The following TNFSF8 variants were observed in gnomAD, a reference collection of about 807,000 sequenced individuals.
TNFSF8 encodes TNF superfamily member 8.
Under a neutral mutation model 22.0 loss-of-function variants are expected in TNFSF8, and 4 were observed. The ratio of observed to expected loss-of-function variants is 0.18; its 90% CI spans 0.09 to 0.42. The LOEUF is 0.42. TNFSF8 is among the 10% of genes least tolerant of loss of function. TNFSF8 has a pLI of 1.00. For synonymous variants in TNFSF8, 106 were observed against 112.5 expected (o/e 0.94, Z 0.37); for missense variants, 233 against 281.8 (o/e 0.83, Z 1.24).
At chr9:114,918,444 G>C (rs1446957906) in intron 1 of TNFSF8, among the ~76,000 whole-genome samples, 1 of 144,850 alleles carries the variant, frequency 6.9e-6, no homozygotes, top group East Asian at 2.0e-4. Context: ...TCAGGGACCA[G>C]AGCTGGGACT....
exon 5 of TNFSF8, chr9:114,893,925 C>G (rs1248166357): frequency 1.5e-6 from 1 of 650,084 alleles, no homozygotes; most frequent in Non-Finnish European, 2.7e-6. Context: ...ATGGACAGGT[C>G]TAGATGATTC....
chr9:114,896,372 T>C (rs1354465222), downstream of TNFSF8, among the ~76,000 whole-genome samples: 1 of 152,184 alleles, frequency 6.6e-6, no homozygotes, highest in Non-Finnish European at 1.5e-5. Context: ...GATGCCTGGG[T>C]TCTAAATCCA....
chr9:114,903,984 T>G lies in TNFSF8; in HGVS notation c.652A>C (p.Thr218Pro). The G allele has an allele frequency of 1.2e-6, 2 of 1,613,964 alleles. No individual in the cohort carries two copies. Among genetic ancestry groups the G allele is most frequent in the Non-Finnish European group, 1.7e-6 (2 of 1,179,928 alleles). Reference protein sequence around the residue: ...VDTFQYIDTSTFPLENVLSIF... With the variant: ...VDTFQYIDTSPFPLENVLSIF... ...GACAACACATTCTCAAGAGGAAAGG[T>G]GCTTGTATCTATGTACTGGAATGTA... Residue 218 changes from threonine (T) to proline (P), a missense_variant, in exon 4 of 4, where the codon ACC becomes CCC. Physicochemically the swap from Thr to Pro is conservative, Grantham distance 38 (BLOSUM62 -1). Transcript: ENST00000223795.
At chr9:114,923,363 ACCCT>A (rs1337566650) in intron 1 of TNFSF8, among the ~76,000 whole-genome samples, 1 of 151,980 alleles carries the variant, frequency 6.6e-6, no homozygotes, top group Non-Finnish European at 1.5e-5. Context: ...CTCTTTTTCA[ACCCT>A]CAGTGCATTA....
chr9:114,920,561 T>C (rs908446615), intron 1 of TNFSF8, among the ~76,000 whole-genome samples: 1 of 152,246 alleles, frequency 6.6e-6, no homozygotes. Flanking sequence ...AAAAGAATCA[T>C]AGTGCTTTAA....
intron 1 of TNFSF8, among the ~76,000 whole-genome samples, chr9:114,925,361 A>G (rs182311815): frequency 6.6e-6 from 1 of 152,260 alleles, no homozygotes; most frequent in African/African-American, 2.4e-5. Context: ...CCAAAAACTC[A>G]GGCCTCAATC....
chr9:114,911,920 T>A (rs1253959900), intron 2 of TNFSF8, among the ~76,000 whole-genome samples: 2 of 152,088 alleles, frequency 1.3e-5, no homozygotes, highest in Non-Finnish European at 2.9e-5. Flanking sequence ...GTCTATAATT[T>A]AAAAGGAAAG....
At chr9:114,908,575 G>C (rs776321851) in intron 2 of TNFSF8, among the ~76,000 whole-genome samples, 2 of 151,970 alleles carry the variant, frequency 1.3e-5, no homozygotes, top group South Asian at 2.1e-4. Flanking sequence ...CCTCTCACAC[G>C]TTCTGGTTCT....
At chr9:114,923,127 T>C (rs1828009743) in intron 1 of TNFSF8, among the ~76,000 whole-genome samples, 1 of 152,114 alleles carries the variant, frequency 6.6e-6, no homozygotes, top group Admixed American at 6.6e-5. Context: ...TATCATCTAG[T>C]TCCGTTTCTT....
chr9:114,928,590 A>C (rs1334046330), intron 1 of TNFSF8, among the ~76,000 whole-genome samples: 1 of 152,170 alleles, frequency 6.6e-6, no homozygotes, highest in Non-Finnish European at 1.5e-5. Context: ...AGGACACTTC[A>C]ATTTCTTTTC....
At chr9:114,921,082 G>A (rs1194577162) in intron 1 of TNFSF8, among the ~76,000 whole-genome samples, 2 of 152,176 alleles carry the variant, frequency 1.3e-5, no homozygotes, top group African/African-American at 2.4e-5. Flanking sequence ...TAATTTATAT[G>A]GGGGTCAAGG....
chr9:114,921,330 G>A (rs1564371788), intron 1 of TNFSF8, among the ~76,000 whole-genome samples: 1 of 152,178 alleles, frequency 6.6e-6, no homozygotes, highest in Non-Finnish European at 1.5e-5. Flanking sequence ...CAAAGCCAGA[G>A]GGAGATTGAG....
In TNFSF8 at chr9:114,912,530, C is replaced by T. The variant is rs1827864184; in HGVS notation, c.238+5566G>A. ...TCAGCCTCTTGAGTAGCTGGGACTA[C>T]AGGCGTGTGCCACCATGCCCAGCTA... On this transcript the variant is annotated intron_variant, in intron 2 of 3. Transcript: ENST00000223795. Among the ~76,000 whole-genome samples, 7 of 152,168 alleles carry T rather than the reference C, an allele frequency of 4.6e-5. No individual in the cohort carries two copies. In the South Asian group the frequency reaches 1.4e-3, roughly 32 times the overall value.
chr9:114,898,223 C>G (rs190863311), downstream of TNFSF8, among the ~76,000 whole-genome samples: 2 of 152,118 alleles, frequency 1.3e-5, no homozygotes, highest in African/African-American at 4.8e-5. Flanking sequence ...AGACTGGTCT[C>G]GAACTCCTGA....
chr9:114,930,022 C>T, intron 1 of TNFSF8, 87 bp downstream of exon 1: 1 of 1,076,374 alleles, frequency 9.3e-7, no homozygotes. Context: ...GTGCTCTTAA[C>T]CAACAAACGA....
chr9:114,924,548 A>T (rs2131350272), intron 1 of TNFSF8, among the ~76,000 whole-genome samples: 1 of 152,288 alleles, frequency 6.6e-6, no homozygotes, highest in East Asian at 1.9e-4. Flanking sequence ...ATCCTTATAT[A>T]GAGAGAGCAA....
At chr9:114,915,482 T>C (rs2071107962) in intron 2 of TNFSF8, among the ~76,000 whole-genome samples, 1 of 152,158 alleles carries the variant, frequency 6.6e-6, no homozygotes, top group Non-Finnish European at 1.5e-5. Flanking sequence ...TAAGGGGATG[T>C]TGACTTGCAT....
chr9:114,915,954 C>T (rs1827913276), intron 2 of TNFSF8, among the ~76,000 whole-genome samples: 1 of 152,150 alleles, frequency 6.6e-6, no homozygotes, highest in Non-Finnish European at 1.5e-5. Context: ...TATTCCCATT[C>T]ATGGTCCAGA....
At chr9:114,895,005 G>A (rs1372856686) in intron 4 of TNFSF8, among the ~76,000 whole-genome samples, 3 of 152,178 alleles carry the variant, frequency 2.0e-5, no homozygotes, top group Non-Finnish European at 4.4e-5. Context: ...TTGTGAGAAC[G>A]GAAGGCATAG....
Sources: allele counts gnomAD v4.1 joint callset (sites outside exome capture counted in the v4.1 genomes callset), GRCh38; gene constraint gnomAD v4.1.1; transcripts MANE v1.5; gene names NCBI Gene and HGNC (gene_info 2026-07-23, HGNC 2026-07-21).